The following ANTXR1 variants were observed in gnomAD, a reference collection of about 807,000 sequenced individuals.
ANTXR1 encodes the protein anthrax toxin receptor 1.
ANTXR1 carries 19 observed loss-of-function variants against 78.1 expected under a neutral mutation model. The observed-to-expected ratio is 0.24, with a 90% CI of 0.17 to 0.36. The LOEUF (loss-of-function observed/expected upper bound fraction) is 0.36, where lower values mean the gene tolerates loss of function less well. ANTXR1 is among the 10% of genes least tolerant of loss of function. The probability of loss-of-function intolerance (pLI) is 1.00; values close to 1 mark genes in which losing one functional copy is unlikely to be tolerated. For synonymous variants in ANTXR1, 273 were observed against 260.5 expected (o/e 1.05, Z -0.46); for missense variants, 518 against 718.6 (o/e 0.72, Z 3.19).
intron 12 of ANTXR1, among the ~76,000 whole-genome samples, chr2:69,143,209 G>A (rs1479986742): frequency 6.6e-6 from 1 of 152,170 alleles, no homozygotes; most frequent in Non-Finnish European, 1.5e-5. Context: ...AATAATCCAG[G>A]AAAGAAAGAA....
At chr2:69,099,511 G>A (rs571354009) in intron 9 of ANTXR1, among the ~76,000 whole-genome samples, 1 of 152,256 alleles carries the variant, frequency 6.6e-6, no homozygotes, top group Non-Finnish European at 1.5e-5. Context: ...CTTTGTAGAA[G>A]AACTGCTAAA....
At chr2:69,016,526 G>A (rs1671031109) in intron 1 of ANTXR1, among the ~76,000 whole-genome samples, 1 of 152,164 alleles carries the variant, frequency 6.6e-6, no homozygotes, top group African/African-American at 2.4e-5. Context: ...GTATAGTATT[G>A]AACCTGCATT....
At chr2:69,109,793 G>C (rs926008820) in intron 10 of ANTXR1, among the ~76,000 whole-genome samples, 2 of 152,190 alleles carry the variant, frequency 1.3e-5, no homozygotes, top group African/African-American at 4.8e-5. Flanking sequence ...GGAAGGATGT[G>C]TTAAACATGA....
At chr2:69,215,428 C>A (rs755940197) in intron 17 of ANTXR1, among the ~76,000 whole-genome samples, 1 of 152,208 alleles carries the variant, frequency 6.6e-6, no homozygotes, top group Non-Finnish European at 1.5e-5. Flanking sequence ...CAGCTCAGAG[C>A]ATAGTCAAAA....
chr2:69,145,555 G>A lies in ANTXR1; in HGVS notation c.952-6614G>A, dbSNP rs941738849. 4.4e-5 allele frequency: 62 copies of A among 1,407,022 alleles called. No individual in the cohort carries two copies. The African/African-American group carries it at 7.1e-4, about 16-fold the overall frequency. 87.2% of individuals were successfully genotyped at this position (1,407,022 alleles called of 1,614,324 possible). A position where few individuals can be genotyped will look rare whatever the true frequency, so the allele number is the denominator to read the frequency against. ...AGAAACATCAGGAGGGACAGGAAACGTTCCCTCCTTAACCAACAGTTTTCA... is the reference window on the plus strand; with the variant it reads ...AGAAACATCAGGAGGGACAGGAAACATTCCCTCCTTAACCAACAGTTTTCA... On this transcript the variant is annotated intron_variant, in intron 12 of 17. Coordinates refer to ENST00000303714, the MANE Select transcript of ANTXR1 (RefSeq NM_032208.3).
intron 17 of ANTXR1, among the ~76,000 whole-genome samples, chr2:69,232,163 A>G (rs1228756496): frequency 1.3e-5 from 2 of 152,144 alleles, no homozygotes; most frequent in African/African-American, 4.8e-5. Flanking sequence ...ACTCACAACC[A>G]CCCTTGGACT....
In ANTXR1 at chr2:69,127,075, C is replaced by T. The variant is rs183319533; in HGVS notation, c.951+2432C>T. On this transcript the variant is annotated intron_variant, in intron 12 of 17. Transcript: ENST00000303714. ...GCCTGGGTTATATCAGAGAATGCAACAGATAAAAATACCTGTGTGATGGGG... is the reference window on the plus strand; with the variant it reads ...GCCTGGGTTATATCAGAGAATGCAATAGATAAAAATACCTGTGTGATGGGG... Among the ~76,000 whole-genome samples, 195 of 152,104 alleles carry T rather than the reference C, an allele frequency of 1.3e-3. 1 individual carries two copies. The highest frequency in any genetic ancestry group is 2.8e-3 in the Admixed American group (42 of 15,272).
chr2:69,235,651 CAAAAAAAA>C (rs554310438), intron 17 of ANTXR1, among the ~76,000 whole-genome samples: 1 of 58,224 alleles, frequency 1.7e-5, no homozygotes, highest in Non-Finnish European at 3.5e-5. Context: ...AACCCCGTCT[CAAAAAAAA>C]AAAAAAAAAA....
chr2:69,145,626 G>T (rs79971538), intron 12 of ANTXR1: 3 of 1,257,462 alleles, frequency 2.4e-6, no homozygotes, highest in Non-Finnish European at 3.0e-6. Flanking sequence ...CACTCCATGC[G>T]GTGGGCATCA....
At chr2:69,205,806 A>G (rs879657460) in intron 17 of ANTXR1, among the ~76,000 whole-genome samples, 19 of 152,186 alleles carry the variant, frequency 1.2e-4, no homozygotes, top group Non-Finnish European at 2.5e-4. Context: ...TTCTAGGGAC[A>G]TGTCCAGATA....
chr2:69,230,103 TC>T (rs969213245), intron 17 of ANTXR1, among the ~76,000 whole-genome samples: 4 of 151,502 alleles, frequency 2.6e-5, no homozygotes, highest in African/African-American at 9.7e-5. Flanking sequence ...TCAGAGCCAG[TC>T]CCTGTTTAGT....
intron 17 of ANTXR1, among the ~76,000 whole-genome samples, chr2:69,221,683 C>CAAA (rs200296772): frequency 2.1e-4 from 17 of 80,496 alleles, no homozygotes; most frequent in Admixed American, 7.0e-4. Flanking sequence ...TTCCCCACTA[C>CAAA]AAAAAAAAAA....
chr2:69,230,224 C>A (rs1675557297), intron 17 of ANTXR1, among the ~76,000 whole-genome samples: 1 of 151,730 alleles, frequency 6.6e-6, no homozygotes, highest in Non-Finnish European at 1.5e-5. Flanking sequence ...ACAAAACATG[C>A]CATGATTTTA....
intron 9 of ANTXR1, among the ~76,000 whole-genome samples, chr2:69,098,959 C>G (rs556188983): frequency 3.4e-5 from 5 of 145,272 alleles, no homozygotes; most frequent in East Asian, 4.3e-4. Context: ...GCACTCCAGC[C>G]TAGGTGATAG....
chr2:69,039,198 G>A (rs1342259858), intron 1 of ANTXR1, among the ~76,000 whole-genome samples: 1 of 152,062 alleles, frequency 6.6e-6, no homozygotes, highest in Non-Finnish European at 1.5e-5. Context: ...AAAAAGAGTG[G>A]GTTCGAATAG....
chr2:69,096,386 A>AAGGG (rs1671427907), intron 9 of ANTXR1, among the ~76,000 whole-genome samples: 1 of 132,096 alleles, frequency 7.6e-6, no homozygotes. Context: ...GGAGGGAAGG[A>AAGGG]AGGAAGGAAG....
chr2:69,032,027 AT>A (rs1175063122), intron 1 of ANTXR1, among the ~76,000 whole-genome samples: 5 of 152,240 alleles, frequency 3.3e-5, no homozygotes, highest in African/African-American at 9.7e-5. Flanking sequence ...TTGTTAAAAA[AT>A]ATTCATCAGA....
intron 9 of ANTXR1, among the ~76,000 whole-genome samples, chr2:69,102,346 G>C (rs979364263): frequency 1.3e-5 from 2 of 152,264 alleles, no homozygotes; most frequent in Non-Finnish European, 2.9e-5. Flanking sequence ...GACTAGCTGT[G>C]AATGCCCTAA....
At chr2:69,244,293 C>T (rs1481732015) in intron 17 of ANTXR1, among the ~76,000 whole-genome samples, 1 of 152,180 alleles carries the variant, frequency 6.6e-6, no homozygotes, top group African/African-American at 2.4e-5. Flanking sequence ...AGGAGAAAAG[C>T]AGAATTCAGG....
Sources: allele counts gnomAD v4.1 joint callset (sites outside exome capture counted in the v4.1 genomes callset), GRCh38; gene constraint gnomAD v4.1.1; transcripts MANE v1.5; gene names NCBI Gene and HGNC (gene_info 2026-07-23, HGNC 2026-07-21).